Variants in DPYD observed in about 807,000 individuals in gnomAD.
DPYD encodes the protein dihydropyrimidine dehydrogenase [NADP(+)].
In DPYD, 109 loss-of-function variants were observed where a neutral mutation model predicts 116.2. The observed-to-expected ratio is 0.94, with a 90% CI of 0.80 to 1.10. The LOEUF (loss-of-function observed/expected upper bound fraction) is 1.10. Among genes scored for constraint, DPYD ranks in the 50% least tolerant of loss-of-function variants. The pLI, the probability that DPYD is intolerant of heterozygous loss-of-function variation, is 0.00. For synonymous variants in DPYD, 440 were observed against 432.0 expected, an observed-to-expected ratio of 1.02 and a Z score of -0.23; for missense variants, 1,302 against 1,254.5, an observed-to-expected ratio of 1.04 and a Z score of -0.57.
At position 97,749,288 on chromosome 1, in the gene DPYD, CAA is replaced by C. The variant is rs1255476679; in HGVS notation, c.234-8811_234-8810del. 3.3e-5 allele frequency among the ~76,000 whole-genome samples: 5 copies of C among 152,114 alleles called. No homozygotes were observed. In the South Asian group the frequency reaches 1.0e-3, roughly 31 times the overall value. Reference sequence around the variant, plus strand: ...AATGTGGAAGGAATTAGTGAAGAGTCAAAGAGTAATGTTTTACAATTATTTAT... The same window carrying C: ...AATGTGGAAGGAATTAGTGAAGAGTCAGAGTAATGTTTTACAATTATTTAT... On this transcript the variant is annotated intron_variant, in intron 3 of 22. Transcript: ENST00000370192.
At chr1:97,516,955 T>C (rs1202159846) in intron 12 of DPYD, among the ~76,000 whole-genome samples, 2 of 152,114 alleles carry the variant, frequency 1.3e-5, no homozygotes, top group African/African-American at 4.8e-5. Context: ...TAGAAATCCA[T>C]TCTCTTGTGA....
chr1:97,791,612 C>T (rs945743100), intron 3 of DPYD, among the ~76,000 whole-genome samples: 1 of 152,194 alleles, frequency 6.6e-6, no homozygotes, highest in Non-Finnish European at 1.5e-5. Context: ...GGTTGTGAAT[C>T]AGCTGGCCTC....
intron 19 of DPYD, among the ~76,000 whole-genome samples, chr1:97,223,355 T>C (rs1245356508): frequency 6.6e-6 from 1 of 151,108 alleles, no homozygotes; most frequent in Non-Finnish European, 1.5e-5. Flanking sequence ...CTATTAACTT[T>C]AGTGACAAAC....
At chr1:97,158,297 C>T (rs10875050) in intron 20 of DPYD, among the ~76,000 whole-genome samples, 21,366 of 151,840 alleles carry the variant, frequency 0.14, 1,715 homozygotes, top group East Asian at 0.29. Flanking sequence ...CAGCAAAAAA[C>T]ATTTAAGTCT....
In DPYD at chr1:97,229,206, AAAAAAAAAAAAAAG is replaced by A. The variant is rs1402579271; in HGVS notation, c.2442+5632_2442+5645del. ...GCAACAGTGCGAGACTCCTTCTCAA[AAAAAAAAAAAAAAG>A]AAAAAAAAAAAAGAATTTGATGGGA... is the stretch of plus-strand genomic sequence containing the variant. On this transcript the variant is annotated intron_variant, in intron 19 of 22. Coordinates refer to ENST00000370192, the MANE Select transcript of DPYD (RefSeq NM_000110.4). 8.5e-3 allele frequency among the ~76,000 whole-genome samples: 1,243 copies of A among 146,450 alleles called. 23 individuals are homozygous for A. Among genetic ancestry groups the A allele is most frequent in the African/African-American group, 0.03 (1,162 of 38,936 alleles).
chr1:97,666,457 C>T (rs888060650), intron 8 of DPYD, among the ~76,000 whole-genome samples: 1 of 152,114 alleles, frequency 6.6e-6, no homozygotes, highest in African/African-American at 2.4e-5. Flanking sequence ...CCCTACCTGG[C>T]CCCTTCTGTG....
chr1:97,730,515 C>T (rs1211944031), intron 4 of DPYD, among the ~76,000 whole-genome samples: 1 of 152,098 alleles, frequency 6.6e-6, no homozygotes, highest in Non-Finnish European at 1.5e-5. Flanking sequence ...TTAGTCTCTG[C>T]ACCTGGCCTA....
intron 18 of DPYD, among the ~76,000 whole-genome samples, chr1:97,297,748 T>C (rs1666618214): frequency 6.6e-6 from 1 of 152,328 alleles, no homozygotes; most frequent in South Asian, 2.1e-4. Context: ...ATGTAAGCAC[T>C]GTCCTAGAAG....
intron 13 of DPYD, among the ~76,000 whole-genome samples, chr1:97,475,329 A>G (rs964418949): frequency 9.9e-5 from 15 of 152,194 alleles, no homozygotes; most frequent in Non-Finnish European, 1.8e-4. Flanking sequence ...AAAACAGAAG[A>G]AGTAGAAGAA....
At chr1:97,466,281 A>G (rs553342888) in intron 13 of DPYD, among the ~76,000 whole-genome samples, 5 of 152,324 alleles carry the variant, frequency 3.3e-5, no homozygotes, top group African/African-American at 1.2e-4. Flanking sequence ...AAATCTTCCT[A>G]TCACTTTGGT....
At chr1:97,768,293 A>C (rs1472635002) in intron 3 of DPYD, among the ~76,000 whole-genome samples, 1 of 152,188 alleles carries the variant, frequency 6.6e-6, no homozygotes. Flanking sequence ...AAAAATTAAA[A>C]AATTTCCTTA....
intron 10 of DPYD, among the ~76,000 whole-genome samples, chr1:97,588,681 G>A (rs1654306760): frequency 6.6e-6 from 1 of 152,330 alleles, no homozygotes; most frequent in South Asian, 2.1e-4. Flanking sequence ...TTAGAGGATA[G>A]TGTCGAGTGA....
intron 2 of DPYD, among the ~76,000 whole-genome samples, chr1:97,831,208 A>G (rs767532951): frequency 2.3e-4 from 35 of 152,244 alleles, no homozygotes; most frequent in Non-Finnish European, 4.0e-4. Context: ...ATTATATTTC[A>G]GACAATATTA....
chr1:97,117,922 TTTTA>T (rs1265644602), intron 20 of DPYD, among the ~76,000 whole-genome samples: 2 of 152,180 alleles, frequency 1.3e-5, no homozygotes, highest in Non-Finnish European at 2.9e-5. Context: ...TTTTAGTAGT[TTTTA>T]TTTGACAAGA....
chr1:97,101,072 A>G (rs1054183821), intron 20 of DPYD, among the ~76,000 whole-genome samples: 3 of 151,536 alleles, frequency 2.0e-5, no homozygotes, highest in African/African-American at 7.3e-5. Flanking sequence ...TAAAAGGAAA[A>G]CTTGCCAATT....
chr1:97,850,627 A>G (rs182530110), intron 2 of DPYD, among the ~76,000 whole-genome samples: 2 of 152,236 alleles, frequency 1.3e-5, no homozygotes, highest in African/African-American at 4.8e-5. Context: ...AATGAGAAGA[A>G]GAAGAATATA....
intron 13 of DPYD, among the ~76,000 whole-genome samples, chr1:97,499,583 AC>A (rs934314458): frequency 4.1e-4 from 63 of 151,914 alleles, no homozygotes; most frequent in African/African-American, 1.3e-3. Context: ...GAACAAAAAA[AC>A]ATCCATATCT....
chr1:97,456,783 T>A (rs938276817), intron 13 of DPYD, among the ~76,000 whole-genome samples: 1 of 152,224 alleles, frequency 6.6e-6, no homozygotes, highest in East Asian at 1.9e-4. Context: ...ACAGGCATGA[T>A]AAAGGATAAT....
chr1:97,479,052 T>G (rs1207569013), intron 13 of DPYD, among the ~76,000 whole-genome samples: 1 of 152,212 alleles, frequency 6.6e-6, no homozygotes, highest in Non-Finnish European at 1.5e-5. Context: ...TTGTGCTGAT[T>G]TGGTCTATCC....
Sources: gnomAD v4.1 joint callset for allele counts (sites outside exome capture counted in the v4.1 genomes callset) on GRCh38, gnomAD v4.1.1 for gene constraint, MANE v1.5 for transcripts, NCBI Gene and HGNC (gene_info 2026-07-23, HGNC 2026-07-21) for gene names.